The following ARFGEF3 variants were observed in gnomAD, a reference collection of about 807,000 sequenced individuals.
ARFGEF3 encodes brefeldin A-inhibited guanine nucleotide-exchange protein 3.
ARFGEF3 carries 96 observed loss-of-function variants against 221.7 expected under a neutral mutation model. That is an observed-to-expected ratio of 0.43 (90% CI 0.37 to 0.51). The LOEUF is 0.51. Among genes scored for constraint, ARFGEF3 ranks in the 20% least tolerant of loss-of-function variants. ARFGEF3 has a pLI of 0.00. For missense variants in ARFGEF3, 2,410 were observed against 2,789.9 expected (o/e 0.86, Z 3.07); for synonymous variants, 1,145 against 1,126.8 (o/e 1.02, Z -0.32).
At chr6:138,275,218 A>C (rs1373112332) in intron 12 of ARFGEF3, among the ~76,000 whole-genome samples, 1 of 152,164 alleles carries the variant, frequency 6.6e-6, no homozygotes, top group Non-Finnish European at 1.5e-5. Flanking sequence ...CAACATCAAA[A>C]TTTCTGCAGT....
At chr6:138,305,263 T>C (rs12525292) in intron 22 of ARFGEF3, among the ~76,000 whole-genome samples, 4,027 of 150,994 alleles carry the variant, frequency 0.027, 68 homozygotes, top group Non-Finnish European at 0.041. Context: ...AGGAAAACTA[T>C]AGACCAATAT....
intron 32 of ARFGEF3, among the ~76,000 whole-genome samples, chr6:138,330,530 C>T (rs1395055899): frequency 6.6e-6 from 1 of 152,120 alleles, no homozygotes; most frequent in Non-Finnish European, 1.5e-5. Context: ...CTGGGCCAGG[C>T]GTGCTGGCTC....
At chr6:138,198,495 A>G (rs1244424685) in intron 2 of ARFGEF3, among the ~76,000 whole-genome samples, 1 of 152,254 alleles carries the variant, frequency 6.6e-6, no homozygotes, top group Admixed American at 6.5e-5. Flanking sequence ...CCCTGGCAAA[A>G]GCTTAATCAA....
At chr6:138,318,121 C>T (rs147814592) in intron 27 of ARFGEF3, among the ~76,000 whole-genome samples, 81 of 152,110 alleles carry the variant, frequency 5.3e-4, no homozygotes, top group African/African-American at 1.8e-3. Flanking sequence ...TAATTGATAC[C>T]GTTTCAAAAT....
In ARFGEF3 at chr6:138,321,241, C is replaced by G; in HGVS notation, c.4766+16C>G. On this transcript the variant is annotated intron_variant, in intron 29 of 33. Transcript: ENST00000251691. The stretch of plus-strand genomic sequence containing the variant: ...CCTGTATTAGGTGAGGAAATGCTTT[C>G]CTGACTCTCCACAAAGCTGGAGTTT... 1.5e-6 allele frequency: 2 copies of G among 1,293,244 alleles called. No homozygotes were observed. Among genetic ancestry groups the G allele is most frequent in the Non-Finnish European group, 2.2e-6 (2 of 927,308 alleles). 80.1% of individuals were successfully genotyped at this position (1,293,244 alleles called of 1,614,324 possible). A position where few individuals can be genotyped will look rare whatever the true frequency, so the allele number is the denominator to read the frequency against.
rs532576495 is a variant in ARFGEF3, at chr6:138,294,751, C to T, written c.3502+625C>T. On this transcript the variant is annotated intron_variant, in intron 20 of 33. Transcript: ENST00000251691. Reference sequence around the variant, plus strand: ...GGTCCCAAAGCATTGGCAGGTTGCTCATAGATGGAATTGTTCATCAAGAGC... The same window carrying T: ...GGTCCCAAAGCATTGGCAGGTTGCTTATAGATGGAATTGTTCATCAAGAGC... Among the ~76,000 whole-genome samples, 45 of 152,228 alleles carry T rather than the reference C, an allele frequency of 3.0e-4. No homozygotes were observed. The South Asian group carries it at 8.5e-3, about 29-fold the overall frequency.
chr6:138,233,480 G>C (rs545562887), intron 5 of ARFGEF3, among the ~76,000 whole-genome samples: 1 of 152,024 alleles, frequency 6.6e-6, no homozygotes, highest in Admixed American at 6.6e-5. Flanking sequence ...GGGTTCAAGC[G>C]ATTCTCCTGC....
chr6:138,289,432 C>A (rs149860205), intron 17 of ARFGEF3, among the ~76,000 whole-genome samples: 4 of 152,306 alleles, frequency 2.6e-5, no homozygotes, highest in Non-Finnish European at 4.4e-5. Context: ...AGAAAACTTG[C>A]AGAAAGCCAG....
chr6:138,206,267 T>C (rs958510379), intron 2 of ARFGEF3, among the ~76,000 whole-genome samples: 2 of 152,206 alleles, frequency 1.3e-5, no homozygotes, highest in African/African-American at 4.8e-5. Flanking sequence ...TTTGTCTTTG[T>C]AACTCTTTAG....
At chr6:138,285,280 G>A (rs111228894) in intron 14 of ARFGEF3, among the ~76,000 whole-genome samples, 3,940 of 151,954 alleles carry the variant, frequency 0.026, 164 homozygotes, top group African/African-American at 0.09. Flanking sequence ...TGGCTAACAC[G>A]GTGAAACCCC....
chr6:138,261,828 A>G (rs1472431266), intron 11 of ARFGEF3, among the ~76,000 whole-genome samples, 189 bp downstream of exon 11: 1 of 152,210 alleles, frequency 6.6e-6, no homozygotes, highest in Non-Finnish European at 1.5e-5. Context: ...TTATATTTTC[A>G]TATTGACTTA....
At chr6:138,330,397 G>A (rs1051469340) in intron 32 of ARFGEF3, among the ~76,000 whole-genome samples, 34 of 152,192 alleles carry the variant, frequency 2.2e-4, no homozygotes, top group African/African-American at 7.5e-4. Context: ...CCAACCTCTA[G>A]AACTATAGGA....
At chr6:138,296,483 A>G (rs1779522082) in intron 20 of ARFGEF3, among the ~76,000 whole-genome samples, 1 of 152,174 alleles carries the variant, frequency 6.6e-6, no homozygotes, top group East Asian at 1.9e-4. Flanking sequence ...CACAACTACT[A>G]AATGGTGCCA....
At position 138,162,204 on chromosome 6, in the gene ARFGEF3, A is replaced by C; in HGVS notation, c.85+33A>C. ...TCCGGCACCTGCTCGCCGCGGCGGG[A>C]GGGCCGCGCGGCCGGGGCTGAACCC... is the stretch of plus-strand genomic sequence containing the variant. On this transcript the variant is annotated intron_variant, in intron 1 of 33. Transcript: ENST00000251691. This position sits in a 1 kb window ranked among gnomAD's most constrained non-coding sequence, Gnocchi z 4.7. 6.5e-7 allele frequency: 1 copy of C among 1,539,678 alleles called. No homozygotes were observed. Among genetic ancestry groups the C allele is most frequent in the Non-Finnish European group, 8.9e-7 (1 of 1,128,388 alleles).
In ARFGEF3 at chr6:138,218,665, T is replaced by A. The variant is rs189577856; in HGVS notation, c.351+8624T>A. ...GTTGGCTGTAGCCCTTTAACAACCC[T>A]ATCTTGAGGAGCTTGCTTGGTCAGG... is the stretch of plus-strand genomic sequence containing the variant. On this transcript the variant is annotated intron_variant, in intron 4 of 33. Transcript: ENST00000251691. 1.7e-3 allele frequency among the ~76,000 whole-genome samples: 256 copies of A among 152,328 alleles called. 2 individuals are homozygous for A. In the South Asian group the frequency reaches 0.02, roughly 12 times the overall value.
Position 138,209,387 on chromosome 6 carries a change from TAGAA to T in ARFGEF3, c.220-522_220-519del, listed in dbSNP as rs1224717007. On this transcript the variant is annotated intron_variant, in intron 3 of 33. Coordinates refer to ENST00000251691, the MANE Select transcript of ARFGEF3 (RefSeq NM_020340.5). ...CATTAGGGTTTCACTTGATGGAACTTAGAATGAATAATCCAATAGCAGGAAAAGG... is the reference window on the plus strand; with the variant it reads ...CATTAGGGTTTCACTTGATGGAACTTTGAATAATCCAATAGCAGGAAAAGG... 2.6e-5 allele frequency among the ~76,000 whole-genome samples: 4 copies of T among 152,158 alleles called. No individual in the cohort carries two copies. The South Asian group carries it at 6.2e-4, about 24-fold the overall frequency.
Position 138,287,148 on chromosome 6 carries a change from A to T in ARFGEF3, c.2860A>T (p.Arg954Trp). Residue 954 changes from arginine (R) to tryptophan (W), a missense_variant, in exon 17 of 34, where the codon AGG becomes TGG. Arg to Trp is a moderately radical substitution (Grantham distance 101, BLOSUM62 -3). Transcript: ENST00000251691. ...CTGTGTCCAAGAAGAAAAAGAAGAG[A>T]GGGAGGCCCAAGAACCCAGTGATGC... The part of the protein sequence containing the change: ...ASCVQEEKEE[R>W]EAQEPSDAIT... 6.4e-7 allele frequency: 1 copy of T among 1,571,582 alleles called. No individual in the cohort carries two copies. The highest frequency in any genetic ancestry group is 1.2e-5 in the South Asian group (1 of 85,336).
intron 10 of ARFGEF3, among the ~76,000 whole-genome samples, chr6:138,258,102 T>C (rs1466276457): frequency 6.6e-6 from 1 of 152,200 alleles, no homozygotes; most frequent in African/African-American, 2.4e-5. Context: ...TGGCTCTTCA[T>C]TGACTCTCCC....
At chr6:138,244,625 T>C (rs1465699789) in intron 7 of ARFGEF3, among the ~76,000 whole-genome samples, 2 of 152,224 alleles carry the variant, frequency 1.3e-5, no homozygotes, top group African/African-American at 2.4e-5. Context: ...GGAAATTTTA[T>C]TTTTCTGACA....
Sources: allele counts gnomAD v4.1 joint callset (sites outside exome capture counted in the v4.1 genomes callset), GRCh38; gene constraint gnomAD v4.1.1; non-coding constraint Gnocchi (gnomAD v3.1); transcripts MANE v1.5; gene names NCBI Gene and HGNC (gene_info 2026-07-23, HGNC 2026-07-21).